The following CNTLN variants were observed in gnomAD, a reference collection of about 807,000 sequenced individuals.
CNTLN encodes the protein centlein, centrosomal protein.
In CNTLN, 212 loss-of-function variants were observed where a neutral mutation model predicts 180.0. The ratio of observed to expected loss-of-function variants is 1.18; its 90% CI spans 1.05 to 1.32. The LOEUF (loss-of-function observed/expected upper bound fraction) is 1.32, where lower values mean the gene tolerates loss of function less well. Among genes scored for constraint, CNTLN ranks in the 40% most tolerant of loss-of-function variants. The pLI is 0.00. For synonymous variants in CNTLN, 722 were observed against 563.1 expected (o/e 1.28, Z -3.99); for missense variants, 2,095 against 1,610.9 (o/e 1.30, Z -5.14).
chr9:17,174,484 T>C (rs938785842), intron 2 of CNTLN, among the ~76,000 whole-genome samples: 2 of 152,058 alleles, frequency 1.3e-5, no homozygotes, highest in Admixed American at 6.6e-5. Context: ...TCACCTGAAG[T>C]CAGGAGTTTG....
rs568281899 is a variant in CNTLN at position 17,142,255 on chromosome 9, A to AT, written c.361-1025dup. ...AAAACATTATGAGATTTATTTTGCA[A>AT]TTTTTTTTAGCTCATTAACTATTGT... On this transcript the variant is annotated intron_variant, in intron 1 of 25. Transcript: ENST00000380647. Among the ~76,000 whole-genome samples, 306 of 151,910 alleles carry AT rather than the reference A, an allele frequency of 2.0e-3. 4 individuals carry two copies. Among genetic ancestry groups the AT allele is most frequent in the Non-Finnish European group, 2.7e-3 (186 of 67,956 alleles).
At chr9:17,295,195 C>G (rs1272575914) in intron 6 of CNTLN, among the ~76,000 whole-genome samples, 1 of 152,068 alleles carries the variant, frequency 6.6e-6, no homozygotes, top group East Asian at 2.0e-4. Context: ...AGCCCCAGTT[C>G]CCGCCCACGC....
chr9:17,354,795 C>T (rs559695550), intron 12 of CNTLN, among the ~76,000 whole-genome samples: 1 of 152,102 alleles, frequency 6.6e-6, no homozygotes, highest in Non-Finnish European at 1.5e-5. Flanking sequence ...CCCTTCCACA[C>T]TGTGGAAGCT....
In CNTLN at chr9:17,466,864, A is replaced by T; in HGVS notation, c.3828A>T (p.Lys1276Asn). The change falls in exon 23 of 26, where the codon AAA (lysine) becomes AAT (asparagine). Residue 1276 changes from lysine to asparagine, a missense_variant. Physicochemically the swap from Lys to Asn is moderately conservative, Grantham distance 94 (BLOSUM62 0). Transcript: ENST00000380647. ...AGACATTGCTGTTAGCCAATGAAAA[A>T]GTAGAAGAGTTCACCACATTTGTGA... ...AQKTLLLANEKVEEFTTFVKA... is the reference protein window; with the variant it reads ...AQKTLLLANENVEEFTTFVKA... 6.2e-7 allele frequency: 1 copy of T among 1,609,842 alleles called. No individual in the cohort carries two copies. Among genetic ancestry groups the T allele is most frequent in the Non-Finnish European group, 8.5e-7 (1 of 1,177,224 alleles).
intron 15 of CNTLN, among the ~76,000 whole-genome samples, chr9:17,406,153 G>A (rs562553337): frequency 6.6e-6 from 1 of 151,734 alleles, no homozygotes; most frequent in Non-Finnish European, 1.5e-5. Flanking sequence ...CTGACCAAAA[G>A]CTTGATACCA....
intron 18 of CNTLN, among the ~76,000 whole-genome samples, chr9:17,420,524 T>A (rs1011839544): frequency 6.6e-6 from 1 of 152,136 alleles, no homozygotes; most frequent in Non-Finnish European, 1.5e-5. Context: ...TTGATTTTTT[T>A]CATATTGTTT....
At chr9:17,290,440 C>T (rs1203971967) in intron 6 of CNTLN, among the ~76,000 whole-genome samples, 11 of 148,796 alleles carry the variant, frequency 7.4e-5, no homozygotes, top group Admixed American at 2.7e-4. Flanking sequence ...CTTAAGTCTG[C>T]AGAGGTTACT....
intron 2 of CNTLN, among the ~76,000 whole-genome samples, chr9:17,182,129 C>T (rs531338008): frequency 2.0e-5 from 3 of 151,842 alleles, no homozygotes; most frequent in Admixed American, 1.3e-4. Context: ...AGGCTCCTCT[C>T]GTGGCCTTTG....
At chr9:17,275,594 G>C (rs1828258666) in intron 6 of CNTLN, among the ~76,000 whole-genome samples, 1 of 152,034 alleles carries the variant, frequency 6.6e-6, no homozygotes, top group Admixed American at 6.6e-5. Flanking sequence ...GAGTATGATG[G>C]TGCTAGGCTA....
intron 8 of CNTLN, among the ~76,000 whole-genome samples, chr9:17,311,169 C>T (rs1200084529): frequency 3.3e-5 from 5 of 151,750 alleles, no homozygotes; most frequent in East Asian, 2.0e-4. Flanking sequence ...GGATTATAGG[C>T]GCCTGCCACC....
At chr9:17,440,403 C>T (rs1441344617) in intron 18 of CNTLN, among the ~76,000 whole-genome samples, 2 of 143,336 alleles carry the variant, frequency 1.4e-5, no homozygotes, top group Non-Finnish European at 3.0e-5. Flanking sequence ...GAAACCCCTT[C>T]TCTACTAAAA....
At chr9:17,173,111 A>T (rs565790425) in intron 2 of CNTLN, among the ~76,000 whole-genome samples, 4 of 152,340 alleles carry the variant, frequency 2.6e-5, no homozygotes, top group Admixed American at 2.6e-4. Context: ...TACATCTTTT[A>T]TCATTTATTG....
At chr9:17,173,548 G>A (rs1362270632) in intron 2 of CNTLN, among the ~76,000 whole-genome samples, 1 of 152,112 alleles carries the variant, frequency 6.6e-6, no homozygotes, top group Non-Finnish European at 1.5e-5. Context: ...ATCCGTGGCT[G>A]AAATTATGGT....
At chr9:17,222,062 T>A (rs1279331868) in intron 2 of CNTLN, among the ~76,000 whole-genome samples, 3 of 152,092 alleles carry the variant, frequency 2.0e-5, no homozygotes, top group African/African-American at 7.2e-5. Flanking sequence ...TGTCTCTCAC[T>A]GCCCTGGATC....
At chr9:17,498,555 G>T (rs552686286) in intron 25 of CNTLN, among the ~76,000 whole-genome samples, 1 of 152,252 alleles carries the variant, frequency 6.6e-6, no homozygotes, top group African/African-American at 2.4e-5. Flanking sequence ...CCTATAGACC[G>T]AGGCAAACTT....
At chr9:17,251,394 G>T (rs1826131910) in intron 5 of CNTLN, among the ~76,000 whole-genome samples, 1 of 151,720 alleles carries the variant, frequency 6.6e-6, no homozygotes. Flanking sequence ...ATGTGTGTTG[G>T]TCTGCTTGGT....
intron 23 of CNTLN, 105 bp downstream of exon 23, chr9:17,466,996 C>T: frequency 1.5e-6 from 1 of 664,854 alleles, no homozygotes; most frequent in Non-Finnish European, 2.5e-6. Context: ...GCTTTCCTAA[C>T]ACAGAAAGCA....
At chr9:17,282,603 G>T (rs1178812288) in intron 6 of CNTLN, among the ~76,000 whole-genome samples, 1 of 152,072 alleles carries the variant, frequency 6.6e-6, no homozygotes, top group Non-Finnish European at 1.5e-5. Flanking sequence ...GATAGCATTT[G>T]TCCATTTTTG....
At chr9:17,270,469 A>G (rs201588726) in intron 5 of CNTLN, among the ~76,000 whole-genome samples, 2 of 152,310 alleles carry the variant, frequency 1.3e-5, no homozygotes, top group East Asian at 3.9e-4. Flanking sequence ...AATCATCTCA[A>G]TAAATTACCC....
Sources: allele counts gnomAD v4.1 joint callset (sites outside exome capture counted in the v4.1 genomes callset), GRCh38; gene constraint gnomAD v4.1.1; transcripts MANE v1.5; gene names NCBI Gene and HGNC (gene_info 2026-07-23, HGNC 2026-07-21).